The following GSE1 variants were observed in gnomAD, a reference collection of about 807,000 sequenced individuals.
GSE1 encodes the protein genetic suppressor element 1.
Under a neutral mutation model 112.6 loss-of-function variants are expected in GSE1, and 32 were observed. That is an observed-to-expected ratio of 0.28 (90% CI 0.21 to 0.38). The LOEUF (loss-of-function observed/expected upper bound fraction) is 0.38. Among genes scored for constraint, GSE1 ranks in the 10% least tolerant of loss-of-function variants. The probability of loss-of-function intolerance (pLI) is 1.00; values close to 1 mark genes in which losing one functional copy is unlikely to be tolerated. For synonymous variants in GSE1, 1,115 were observed against 735.6 expected, an observed-to-expected ratio of 1.52 and a Z score of -8.35; for missense variants, 2,348 against 1,699.2, an observed-to-expected ratio of 1.38 and a Z score of -6.71.
At chr16:85,503,930 G>A (rs1053616329) in intron 2 of GSE1, among the ~76,000 whole-genome samples, 1 of 152,224 alleles carries the variant, frequency 6.6e-6, no homozygotes. Flanking sequence ...CCGGCAGTGC[G>A]GAAGATAGAT....
rs559337176 is a variant in GSE1 at position 85,332,358 on chromosome 16, C to T, written c.2284-25105C>T. Among the ~76,000 whole-genome samples, 12 of 152,286 alleles carry T rather than the reference C, an allele frequency of 7.9e-5. No homozygotes were observed. In the South Asian group the frequency reaches 1.5e-3, roughly 18 times the overall value. ...TCACACTAAGGAATGCGGTACATAC[C>T]GAGCATGCACTGCAGGTGCTTTGTC... is the stretch of plus-strand genomic sequence containing the variant. On this transcript the variant is annotated intron_variant, in intron 1 of 2. Coordinates refer to the GSE1 transcript ENST00000637419.
At chr16:85,182,832 A>G (rs1332138394) in intron 1 of GSE1, among the ~76,000 whole-genome samples, 1 of 151,928 alleles carries the variant, frequency 6.6e-6, no homozygotes, top group African/African-American at 2.4e-5. Flanking sequence ...CAGCATCCAC[A>G]GGGTGGGGTA....
chr16:85,174,639 G>GGGGAGGGGGACACACATGAGGAGTGGA (rs1298943054), intron 1 of GSE1, among the ~76,000 whole-genome samples: 27 of 152,346 alleles, frequency 1.8e-4, no homozygotes, highest in African/African-American at 5.8e-4. Flanking sequence ...CAGTGTCATG[G>GGGGAGGGGGACACACATGAGGAGTGGA]GGGAGGGGGA....
chr16:85,655,074 A>G, intron 5 of GSE1, 83 bp downstream of exon 5: 2 of 898,980 alleles, frequency 2.2e-6, no homozygotes, highest in Non-Finnish European at 3.5e-6. Flanking sequence ...GGTGTTTCTT[A>G]TGACCTGAGA....
At chr16:85,613,238 G>C (rs2048113216), upstream of GSE1, 1 of 1,515,636 alleles carries the variant, frequency 6.6e-7, no homozygotes, top group African/African-American at 1.4e-5. Context: ...ACAGCAGCAG[G>C]TGTTTCTTGG....
Position 85,549,470 on chromosome 16 carries a change from A to C in GSE1, c.2465-84444A>C, listed in dbSNP as rs566503034. On this transcript the variant is annotated intron_variant, in intron 2 of 2. Transcript: ENST00000637419. ...TGGGATTATGGGTATAAGCCACTGC[A>C]CCTGGCCATGTAGACATCACTTTTG... Among the ~76,000 whole-genome samples, 23 of 152,274 alleles carry C rather than the reference A, an allele frequency of 1.5e-4. No individual in the cohort carries two copies. In the South Asian group the frequency reaches 4.6e-3, roughly 30 times the overall value.
intron 2 of GSE1, among the ~76,000 whole-genome samples, chr16:85,446,969 C>T (rs191439499): frequency 8.1e-4 from 123 of 152,260 alleles, no homozygotes; most frequent in African/African-American, 2.8e-3. Flanking sequence ...CAGCTTGGCT[C>T]GTCCGACCCC....
chr16:85,244,829 A>G (rs756793783), intron 1 of GSE1, among the ~76,000 whole-genome samples: 1 of 152,080 alleles, frequency 6.6e-6, no homozygotes, highest in Non-Finnish European at 1.5e-5. Context: ...TGTCTCTACT[A>G]AAAATACAAA....
At chr16:85,443,709 G>A (rs1399530528) in intron 2 of GSE1, among the ~76,000 whole-genome samples, 1 of 152,210 alleles carries the variant, frequency 6.6e-6, no homozygotes, top group Non-Finnish European at 1.5e-5. Context: ...CTTCCCTGCT[G>A]GAGAGTCCTC....
Position 85,331,707 on chromosome 16 carries a change from A to AT in GSE1, c.2284-25736dup, listed in dbSNP as rs566551746. Among the ~76,000 whole-genome samples, 129 of 51,974 alleles carry AT rather than the reference A, an allele frequency of 2.5e-3. 7 individuals are homozygous for AT. Among genetic ancestry groups the AT allele is most frequent in the African/African-American group, 6.1e-3 (101 of 16,642 alleles). The allele number at this position is 51,974 out of a possible 152,430, so 34.1% of individuals were successfully genotyped here. On this transcript the variant is annotated intron_variant, in intron 1 of 2. Coordinates refer to the GSE1 transcript ENST00000637419. ...TGTGTATATATATATATATATATAT[A>AT]TTTTTTTTTTTTTTTTTTTTAGTTA...
At chr16:85,642,985 C>A (rs749626871) in intron 2 of GSE1, among the ~76,000 whole-genome samples, 1 of 152,134 alleles carries the variant, frequency 6.6e-6, no homozygotes, top group Non-Finnish European at 1.5e-5. Context: ...TCTTAAAGAC[C>A]GATGACTCTT....
intron 1 of GSE1, among the ~76,000 whole-genome samples, chr16:85,602,714 G>A (rs1173930030): frequency 5.3e-5 from 8 of 152,210 alleles, no homozygotes; most frequent in Non-Finnish European, 7.3e-5. Context: ...GAGGACAGCC[G>A]GTTGATCTTT....
At chr16:85,227,081 T>A (rs1351706711) in intron 1 of GSE1, among the ~76,000 whole-genome samples, 1 of 151,860 alleles carries the variant, frequency 6.6e-6, no homozygotes, top group Non-Finnish European at 1.5e-5. Context: ...CCATTACCCA[T>A]CTTTCCTCAG....
At chr16:85,322,357 C>T (rs1375645665) in intron 1 of GSE1, among the ~76,000 whole-genome samples, 1 of 152,186 alleles carries the variant, frequency 6.6e-6, no homozygotes, top group Non-Finnish European at 1.5e-5. Flanking sequence ...TTGCTGAGAA[C>T]TCCCGGAGGC....
intron 2 of GSE1, among the ~76,000 whole-genome samples, chr16:85,454,046 A>G (rs950735954): frequency 6.6e-6 from 1 of 152,194 alleles, no homozygotes; most frequent in Non-Finnish European, 1.5e-5. Context: ...GCTTCAGCCC[A>G]GCTGGGCAGA....
chr16:85,665,143 GC>G lies in GSE1; in HGVS notation c.2758+19del. 1 of 1,461,114 alleles carries G rather than the reference GC, an allele frequency of 6.8e-7. No homozygotes were observed. The highest frequency in any genetic ancestry group is 9.6e-7 in the Non-Finnish European group (1 of 1,041,776). The allele number at this position is 1,461,114 out of a possible 1,614,324, so 90.5% of individuals were successfully genotyped here. On this transcript the variant is annotated intron_variant, in intron 12 of 15. Coordinates refer to ENST00000253458, the MANE Select transcript of GSE1 (RefSeq NM_014615.5). Reference sequence around the variant, plus strand: ...CTCCCTGAGTGGTAAGGGAAGGATAGCCCCACCTGCCACCACCCAGGACCAT... The same window carrying G: ...CTCCCTGAGTGGTAAGGGAAGGATAGCCCACCTGCCACCACCCAGGACCAT...
intron 2 of GSE1, among the ~76,000 whole-genome samples, chr16:85,525,363 G>A (rs2052333697): frequency 6.6e-6 from 1 of 152,230 alleles, no homozygotes; most frequent in Non-Finnish European, 1.5e-5. Flanking sequence ...CCCGAGGGAA[G>A]GGCGGCTGTG....
intron 2 of GSE1, among the ~76,000 whole-genome samples, chr16:85,444,266 A>G (rs1015506142): frequency 1.3e-5 from 2 of 152,156 alleles, no homozygotes; most frequent in Non-Finnish European, 2.9e-5. Flanking sequence ...TTACAGGCGT[A>G]AGCCATTATG....
chr16:85,670,219 C>A (rs1172386365), intron 14 of GSE1, among the ~76,000 whole-genome samples: 1 of 152,186 alleles, frequency 6.6e-6, no homozygotes, highest in Admixed American at 6.5e-5. Context: ...GATGATCAAA[C>A]CTGCAAATAC....
Sources: gnomAD v4.1 joint callset for allele counts (sites outside exome capture counted in the v4.1 genomes callset) on GRCh38, gnomAD v4.1.1 for gene constraint, MANE v1.5 for transcripts, NCBI Gene and HGNC (gene_info 2026-07-23, HGNC 2026-07-21) for gene names.